CACNA1C: variants seen among roughly 807,000 people sequenced by gnomAD.
CACNA1C encodes voltage-dependent L-type calcium channel subunit alpha-1C.
In CACNA1C, 30 loss-of-function variants were observed where a neutral mutation model predicts 229.0. The ratio of observed to expected loss-of-function variants is 0.13; its 90% CI spans 0.10 to 0.18. The LOEUF is 0.18. Ranked by LOEUF, CACNA1C falls within the 10% of genes least tolerant of loss-of-function variation. CACNA1C has a pLI of 1.00. For missense variants in CACNA1C, 1,658 were observed against 2,845.0 expected, an observed-to-expected ratio of 0.58 and a Z score of 9.49; for synonymous variants, 1,114 against 1,132.5, an observed-to-expected ratio of 0.98 and a Z score of 0.33.
At chr12:2,169,367 T>A (rs1229966472) in intron 3 of CACNA1C, among the ~76,000 whole-genome samples, 2 of 152,196 alleles carry the variant, frequency 1.3e-5, no homozygotes, top group African/African-American at 2.4e-5. Context: ...ATCTGAAACG[T>A]GTGAGTACAT....
intron 3 of CACNA1C, among the ~76,000 whole-genome samples, chr12:2,323,072 A>G (rs906524675): frequency 1.4e-4 from 21 of 151,784 alleles, no homozygotes; most frequent in Middle Eastern, 3.2e-3. Context: ...CTCAAGCCCT[A>G]TGCTCTTTCC....
At chr12:2,643,522 CCT>C (rs1433825610) in intron 30 of CACNA1C, among the ~76,000 whole-genome samples, 1 of 152,224 alleles carries the variant, frequency 6.6e-6, no homozygotes, top group African/African-American at 2.4e-5. Context: ...TTAACCTTCG[CCT>C]CTCTTAGCAA....
Position 2,250,691 on chromosome 12 carries a change from TGTG to T in CACNA1C, c.477+130265_477+130267del, listed in dbSNP as rs1354224342. On this transcript the variant is annotated intron_variant, in intron 3 of 46. Transcript: ENST00000399655. ...CAGCCGGCCCTCCTGACTTGATCAT[TGTG>T]GTGATGCCAGTGCTGTAGCCTTGGG... Among the ~76,000 whole-genome samples the T allele has an allele frequency of 3.9e-5, 6 of 152,354 alleles. 1 individual carries two copies. The highest frequency in any genetic ancestry group is 6.8e-3 in the Middle Eastern group (2 of 294).
intron 3 of CACNA1C, among the ~76,000 whole-genome samples, chr12:2,336,870 G>T (rs2154519211): frequency 6.6e-6 from 1 of 152,312 alleles, no homozygotes; most frequent in African/African-American, 2.4e-5. Context: ...ATGTCGGGCA[G>T]GGTTGGGACA....
chr12:2,250,384 C>T (rs2075164597), intron 3 of CACNA1C, among the ~76,000 whole-genome samples: 1 of 152,238 alleles, frequency 6.6e-6, no homozygotes, highest in African/African-American at 2.4e-5. Context: ...CTGAAGGGCA[C>T]AGGCCAAGAC....
At chr12:2,087,226 C>T (rs1228621576) in intron 1 of CACNA1C, among the ~76,000 whole-genome samples, 1 of 152,218 alleles carries the variant, frequency 6.6e-6, no homozygotes, top group Non-Finnish European at 1.5e-5. Flanking sequence ...TGGGACTGGA[C>T]CATCTGATTC....
At chr12:2,494,803 A>G (rs1258730002) in intron 7 of CACNA1C, among the ~76,000 whole-genome samples, 1 of 152,204 alleles carries the variant, frequency 6.6e-6, no homozygotes, top group Non-Finnish European at 1.5e-5. Flanking sequence ...AATATGCCAA[A>G]CCCCAGTGTT....
At chr12:2,425,032 G>A (rs1367119674) in intron 3 of CACNA1C, among the ~76,000 whole-genome samples, 3 of 152,260 alleles carry the variant, frequency 2.0e-5, no homozygotes, top group Non-Finnish European at 4.4e-5. Context: ...GTCAGGGACT[G>A]AAGCATGGCA....
At chr12:2,052,895 G>T, upstream of CACNA1C, 1 of 693,040 alleles carries the variant, frequency 1.4e-6, no homozygotes, top group Non-Finnish European at 1.8e-6. Flanking sequence ...CCGGCGCGCC[G>T]GGCGGGCGGG....
At chr12:2,015,789 T>G (rs2429135) in intron 1 of CACNA1C, among the ~76,000 whole-genome samples, 114,864 of 152,152 alleles carry the variant, frequency 0.75, 44,300 homozygotes, top group African/African-American at 0.93. Flanking sequence ...TTCAGATCTC[T>G]CTCAGCTAGT....
intron 5 of CACNA1C, among the ~76,000 whole-genome samples, chr12:2,462,383 G>A (rs1010116008): frequency 3.1e-5 from 4 of 127,654 alleles, no homozygotes; most frequent in South Asian, 5.5e-4. Flanking sequence ...CTCGGCCCCC[G>A]CTGATGCCAT....
At chr12:2,177,575 CCCTCCCTCCCTCCCTTCCTTCCTTCCTT>C (rs2096687773) in intron 3 of CACNA1C, among the ~76,000 whole-genome samples, 1 of 54,984 alleles carries the variant, frequency 1.8e-5, no homozygotes, top group African/African-American at 9.3e-5. Flanking sequence ...CTCCCTCCCT[CCCTCCCTCCCTCCCTTCCTTCCTTCCTT>C]CCTTCCTTCC....
At chr12:2,468,454 A>G (rs2099571650) in intron 5 of CACNA1C, among the ~76,000 whole-genome samples, 1 of 150,924 alleles carries the variant, frequency 6.6e-6, no homozygotes, top group Admixed American at 6.6e-5. Flanking sequence ...CTAGAAACAC[A>G]GGGACGTTAT....
Position 2,041,484 on chromosome 12 carries a change from G to A in CACNA1C, c.139+70283G>A, listed in dbSNP as rs1019382083. ...GTAGAGACGGGGTTTCACCATGTTC[G>A]CCAGGATGGTCTCGATCTCCTGACC... is the stretch of plus-strand genomic sequence containing the variant. On this transcript the variant is annotated intron_variant, in intron 1 of 46. Coordinates refer to the CACNA1C transcript ENST00000682462. Among the ~76,000 whole-genome samples, 10 of 151,958 alleles carry A rather than the reference G, an allele frequency of 6.6e-5. 1 individual carries two copies. The South Asian group carries it at 8.3e-4, about 13-fold the overall frequency.
At position 2,319,232 on chromosome 12, in the gene CACNA1C, G is replaced by A. The variant is rs1020981631; in HGVS notation, c.478-129744G>A. 1.3e-5 allele frequency among the ~76,000 whole-genome samples: 2 copies of A among 152,076 alleles called. No individual in the cohort carries two copies. The highest frequency in any genetic ancestry group is 4.8e-5 in the African/African-American group (2 of 41,400). On this transcript the variant is annotated intron_variant, in intron 3 of 46. Coordinates refer to ENST00000399655, the MANE Select transcript of CACNA1C (RefSeq NM_000719.7). This position sits in a 1 kb window ranked among gnomAD's most constrained non-coding sequence, Gnocchi z 4.0. ...GTCCTGGCAGTGTACATGATGAGCA[G>A]CTTACATGATGTGTAGTGTACATGG...
chr12:2,236,020 A>G (rs1427764142), intron 3 of CACNA1C, among the ~76,000 whole-genome samples: 1 of 152,230 alleles, frequency 6.6e-6, no homozygotes, highest in African/African-American at 2.4e-5. Flanking sequence ...AATTTTGCTT[A>G]TGGACATTTG....
At chr12:2,448,540 A>G (rs2099321733) in intron 3 of CACNA1C, among the ~76,000 whole-genome samples, 1 of 152,122 alleles carries the variant, frequency 6.6e-6, no homozygotes, top group Non-Finnish European at 1.5e-5. Flanking sequence ...TGCTGTCTTC[A>G]GGGCTTGTTC....
At chr12:2,286,319 C>G (rs968135576) in intron 3 of CACNA1C, among the ~76,000 whole-genome samples, 1 of 152,230 alleles carries the variant, frequency 6.6e-6, no homozygotes, top group Non-Finnish European at 1.5e-5. Flanking sequence ...ATCCTAGGCT[C>G]TGGCCTATTT....
chr12:2,120,656 CTGTGTGTGTGTG>C (rs112680750), intron 3 of CACNA1C, among the ~76,000 whole-genome samples: 18 of 139,778 alleles, frequency 1.3e-4, no homozygotes, highest in East Asian at 2.2e-4. Context: ...GTGGTGAGCT[CTGTGTGTGTGTG>C]TGTGTGTGTG....
Sources: gnomAD v4.1 joint callset for allele counts (sites outside exome capture counted in the v4.1 genomes callset) on GRCh38, gnomAD v4.1.1 for gene constraint, Gnocchi (gnomAD v3.1) non-coding constraint, MANE v1.5 for transcripts, NCBI Gene and HGNC (gene_info 2026-07-23, HGNC 2026-07-21) for gene names.